The following ANKS1B variants were observed in gnomAD, a reference collection of about 807,000 sequenced individuals.
ANKS1B encodes ankyrin repeat and sterile alpha motif domain containing 1B, also known as ankyrin repeat and sterile alpha motif domain-containing protein 1B.
ANKS1B carries 36 observed loss-of-function variants against 148.3 expected under a neutral mutation model. The observed-to-expected ratio is 0.24, with a 90% CI of 0.19 to 0.32. The LOEUF is 0.32. Ranked by LOEUF, ANKS1B falls within the 10% of genes least tolerant of loss-of-function variation. The pLI, the probability that ANKS1B is intolerant of heterozygous loss-of-function variation, is 1.00. For synonymous variants in ANKS1B, 542 were observed against 560.8 expected, an observed-to-expected ratio of 0.97 and a Z score of 0.47; for missense variants, 1,157 against 1,542.6, an observed-to-expected ratio of 0.75 and a Z score of 4.19.
chr12:99,137,599 G>C (rs1333182268), intron 15 of ANKS1B, among the ~76,000 whole-genome samples: 8 of 152,116 alleles, frequency 5.3e-5, no homozygotes, highest in Non-Finnish European at 1.2e-4. Flanking sequence ...ATGGACTTTT[G>C]CATCGCCTGG....
At chr12:99,178,147 A>C (rs1283104435) in intron 14 of ANKS1B, among the ~76,000 whole-genome samples, 2 of 152,188 alleles carry the variant, frequency 1.3e-5, no homozygotes, top group Non-Finnish European at 2.9e-5. Context: ...TTCCAACGCC[A>C]TACTCTTCTG....
intron 12 of ANKS1B, among the ~76,000 whole-genome samples, chr12:99,295,114 G>T (rs2080687206): frequency 6.6e-6 from 1 of 152,062 alleles, no homozygotes; most frequent in Non-Finnish European, 1.5e-5. Flanking sequence ...TGAGTCATGT[G>T]GTAGGTAGAT....
chr12:99,930,311 G>A (rs539726177), intron 1 of ANKS1B, among the ~76,000 whole-genome samples: 1 of 152,102 alleles, frequency 6.6e-6, no homozygotes. Context: ...TCTGTTATTG[G>A]TGTATAAGAA....
intron 12 of ANKS1B, among the ~76,000 whole-genome samples, chr12:99,294,574 C>CA (rs1192116058): frequency 6.6e-6 from 1 of 151,560 alleles, no homozygotes; most frequent in African/African-American, 2.4e-5. Context: ...TTAGCGGATA[C>CA]AAAAATACAG....
intron 12 of ANKS1B, among the ~76,000 whole-genome samples, chr12:99,356,485 G>A (rs1243207782): frequency 6.6e-6 from 1 of 152,088 alleles, no homozygotes; most frequent in African/African-American, 2.4e-5. Flanking sequence ...GCATCAGGAA[G>A]GAAAATTCCT....
At chr12:99,493,667 G>A (rs181144249) in intron 10 of ANKS1B, among the ~76,000 whole-genome samples, 52 of 152,270 alleles carry the variant, frequency 3.4e-4, no homozygotes, top group Middle Eastern at 3.4e-3. Flanking sequence ...CCTTCAGGCT[G>A]GATGAATAAT....
chr12:99,128,739 C>A (rs1356943601), intron 15 of ANKS1B, among the ~76,000 whole-genome samples: 1 of 152,136 alleles, frequency 6.6e-6, no homozygotes, highest in African/African-American at 2.4e-5. Context: ...TAGAAGTAAT[C>A]CAATCCTGTC....
chr12:98,804,299 G>A (rs2099032181), intron 20 of ANKS1B, among the ~76,000 whole-genome samples: 1 of 152,100 alleles, frequency 6.6e-6, no homozygotes, highest in South Asian at 2.1e-4. Context: ...ATCAGATTTA[G>A]TGCTATTTCC....
At chr12:99,621,874 G>A (rs1001174298) in intron 9 of ANKS1B, among the ~76,000 whole-genome samples, 3 of 151,482 alleles carry the variant, frequency 2.0e-5, no homozygotes, top group Non-Finnish European at 2.9e-5. Flanking sequence ...AAGAAATTCT[G>A]GACTTCAATT....
intron 12 of ANKS1B, among the ~76,000 whole-genome samples, chr12:99,325,773 C>T (rs2086195076): frequency 2.0e-5 from 3 of 152,026 alleles, no homozygotes; most frequent in South Asian, 4.1e-4. Context: ...AAAGACAAAG[C>T]ATAATCAATG....
At chr12:99,452,129 T>C (rs575585919) in intron 10 of ANKS1B, among the ~76,000 whole-genome samples, 6 of 152,248 alleles carry the variant, frequency 3.9e-5, no homozygotes, top group Non-Finnish European at 8.8e-5. Context: ...ATGATCTTTG[T>C]TGTAACTACT....
chr12:99,041,681 T>C (rs1278281781), intron 17 of ANKS1B, among the ~76,000 whole-genome samples: 2 of 152,098 alleles, frequency 1.3e-5, no homozygotes, highest in Admixed American at 6.6e-5. Context: ...TCCATAATTC[T>C]AAAATCTCTC....
chr12:99,570,700 T>G (rs1373413391), intron 9 of ANKS1B, among the ~76,000 whole-genome samples: 1 of 151,546 alleles, frequency 6.6e-6, no homozygotes, highest in Non-Finnish European at 1.5e-5. Flanking sequence ...TGATGAACAT[T>G]GATGAAGCTG....
intron 17 of ANKS1B, among the ~76,000 whole-genome samples, chr12:98,910,854 A>T (rs148028583): frequency 1.2e-3 from 178 of 152,290 alleles, no homozygotes; most frequent in African/African-American, 4.1e-3. Flanking sequence ...ATCTCCAGTG[A>T]AGCAGTGCCA....
chr12:99,666,127 C>T (rs1350288915), intron 8 of ANKS1B, among the ~76,000 whole-genome samples: 6 of 152,148 alleles, frequency 3.9e-5, no homozygotes, highest in East Asian at 1.9e-4. Flanking sequence ...ATTGACCATA[C>T]GTGTATGGGT....
chr12:99,044,287 C>G (rs1233513757), intron 17 of ANKS1B, among the ~76,000 whole-genome samples: 3 of 149,204 alleles, frequency 2.0e-5, no homozygotes, highest in Non-Finnish European at 4.4e-5. Flanking sequence ...ATCTTCATGC[C>G]AAATTAGCAA....
At chr12:99,575,702 C>T (rs1043712611) in intron 9 of ANKS1B, among the ~76,000 whole-genome samples, 1 of 152,010 alleles carries the variant, frequency 6.6e-6, no homozygotes, top group Non-Finnish European at 1.5e-5. Context: ...CCCACTGGGT[C>T]CCTCCCACAA....
intron 19 of ANKS1B, among the ~76,000 whole-genome samples, chr12:98,815,947 T>C (rs2099136200): frequency 1.3e-5 from 2 of 152,186 alleles, no homozygotes; most frequent in South Asian, 2.1e-4. Context: ...CTCAGCTCCA[T>C]TCAACACAGA....
intron 10 of ANKS1B, among the ~76,000 whole-genome samples, chr12:99,475,951 A>G (rs893738089): frequency 2.6e-5 from 4 of 152,134 alleles, no homozygotes; most frequent in Admixed American, 1.3e-4. Flanking sequence ...ATCCAGATGG[A>G]TTACAGAATT....
Sources: allele counts gnomAD v4.1 joint callset (sites outside exome capture counted in the v4.1 genomes callset), GRCh38; gene constraint gnomAD v4.1.1; transcripts MANE v1.5; gene names NCBI Gene and HGNC (gene_info 2026-07-23, HGNC 2026-07-21).